SKAP1: variants seen among roughly 807,000 people sequenced by gnomAD.
The protein encoded by SKAP1 is src kinase-associated phosphoprotein 1.
In SKAP1, 44 loss-of-function variants were observed where a neutral mutation model predicts 58.5. The observed-to-expected ratio is 0.75, with a 90% CI of 0.59 to 0.97. The LOEUF is 0.97. Among genes scored for constraint, SKAP1 ranks in the 50% least tolerant of loss-of-function variants. The probability of loss-of-function intolerance (pLI) is 0.00; values close to 1 mark genes in which losing one functional copy is unlikely to be tolerated. For synonymous variants in SKAP1, 127 were observed against 149.7 expected, an observed-to-expected ratio of 0.85 and a Z score of 1.11; for missense variants, 390 against 435.2, an observed-to-expected ratio of 0.90 and a Z score of 0.92.
intron 11 of SKAP1, among the ~76,000 whole-genome samples, chr17:48,157,381 A>G (rs1405272055): frequency 1.3e-5 from 2 of 151,806 alleles, no homozygotes; most frequent in Non-Finnish European, 2.9e-5. Flanking sequence ...GATTACAGGT[A>G]CCTGCCACCA....
chr17:48,187,854 GCATAGTAGTAGAAGA>G lies in SKAP1; in HGVS notation c.416_430del (p.Leu139_Ala144delinsPro). On this transcript the variant is annotated inframe_deletion, in exon 6 of 13. Transcript: ENST00000336915. The stretch of plus-strand genomic sequence containing the variant: ...TGAAGAACACTTACTCTTCTCATTA[GCATAGTAGTAGAAGA>G]GACCTCTGCTGACAACACACCATCG... 1 of 1,608,240 alleles carries G rather than the reference GCATAGTAGTAGAAGA, an allele frequency of 6.2e-7. No individual in the cohort carries two copies. The highest frequency in any genetic ancestry group is 8.5e-7 in the Non-Finnish European group (1 of 1,174,700).
At chr17:48,284,542 A>G (rs2065806455) in intron 4 of SKAP1, among the ~76,000 whole-genome samples, 1 of 152,250 alleles carries the variant, frequency 6.6e-6, no homozygotes, top group Admixed American at 6.5e-5. Flanking sequence ...ATGTTCAGAC[A>G]TACTCTGTCA....
intron 11 of SKAP1, among the ~76,000 whole-genome samples, chr17:48,158,269 G>A (rs1311041918): frequency 1.3e-5 from 2 of 151,728 alleles, no homozygotes; most frequent in Non-Finnish European, 2.9e-5. Context: ...CCTCTGGGCC[G>A]GTTGCGCTGG....
At chr17:48,434,160 C>A (rs977257926), upstream of SKAP1, among the ~76,000 whole-genome samples, 4 of 152,192 alleles carry the variant, frequency 2.6e-5, no homozygotes, top group African/African-American at 9.7e-5. Flanking sequence ...CGGTCCCAAC[C>A]CCATCAACCG....
At chr17:48,319,637 T>A (rs1285041600) in intron 4 of SKAP1, among the ~76,000 whole-genome samples, 1 of 151,922 alleles carries the variant, frequency 6.6e-6, no homozygotes, top group East Asian at 1.9e-4. Context: ...TGGAGCCCAG[T>A]TTGAGACCAG....
At chr17:48,246,007 C>CA (rs1395282989) in intron 4 of SKAP1, among the ~76,000 whole-genome samples, 3 of 151,952 alleles carry the variant, frequency 2.0e-5, no homozygotes, top group Non-Finnish European at 2.9e-5. Flanking sequence ...CAAAAAACAA[C>CA]AAAAAAACCC....
intron 11 of SKAP1, among the ~76,000 whole-genome samples, chr17:48,146,609 G>C (rs1320627412): frequency 2.6e-5 from 4 of 151,582 alleles, no homozygotes; most frequent in African/African-American, 4.8e-5. Flanking sequence ...GACTGCTCTT[G>C]TGTACCTCTT....
At chr17:48,423,942 T>G (rs900058624) in intron 1 of SKAP1, among the ~76,000 whole-genome samples, 1 of 151,744 alleles carries the variant, frequency 6.6e-6, no homozygotes, top group Non-Finnish European at 1.5e-5. Context: ...TTTAAGACAT[T>G]AGGGTAAAAC....
intron 4 of SKAP1, among the ~76,000 whole-genome samples, chr17:48,320,759 A>T (rs1211860090): frequency 6.7e-6 from 1 of 149,364 alleles, no homozygotes; most frequent in African/African-American, 2.5e-5. Context: ...ACCTCCACCA[A>T]TTTTTTTTTT....
At chr17:48,137,363 C>CAGTT (rs773969850) in intron 11 of SKAP1, 26 bp from the exon 12 acceptor site, 1 of 1,509,634 alleles carries the variant, frequency 6.6e-7, no homozygotes, top group African/African-American at 1.4e-5. Context: ...AGGATAGCGT[C>CAGTT]AGTTAGAATT....
At chr17:48,350,117 A>T (rs559801431) in intron 3 of SKAP1, among the ~76,000 whole-genome samples, 18 of 152,320 alleles carry the variant, frequency 1.2e-4, no homozygotes, top group Non-Finnish European at 2.5e-4. Context: ...TTTAGTCCTG[A>T]ATTTGCAGAT....
Position 48,265,490 on chromosome 17 carries a change from C to CA in SKAP1, c.281-75991dup, listed in dbSNP as rs760300491. On this transcript the variant is annotated intron_variant, in intron 4 of 12. Transcript: ENST00000336915. ...ACTGCACTCCAGCCTGGGCCTGTCTCAAAAAAAAAAAAAGCAAGCAAGCAA... is the reference window on the plus strand; with the variant it reads ...ACTGCACTCCAGCCTGGGCCTGTCTCAAAAAAAAAAAAAAGCAAGCAAGCAA... Among the ~76,000 whole-genome samples the CA allele has an allele frequency of 2.6e-3, 324 of 123,738 alleles. 4 individuals carry two copies. The highest frequency in any genetic ancestry group is 0.018 in the East Asian group (78 of 4,414). The allele number at this position is 123,738 out of a possible 152,430, so 81.2% of individuals were successfully genotyped here. A position where few individuals can be genotyped will look rare whatever the true frequency, so the allele number is the denominator to read the frequency against.
At chr17:48,269,271 G>C (rs923688232) in intron 4 of SKAP1, among the ~76,000 whole-genome samples, 2 of 151,998 alleles carry the variant, frequency 1.3e-5, no homozygotes, top group African/African-American at 4.8e-5. Flanking sequence ...TAAGTTAGAA[G>C]TGATAAAAGT....
intron 3 of SKAP1, 37 bp downstream of exon 3, chr17:48,363,752 T>G (rs1567884060): frequency 6.4e-7 from 1 of 1,567,170 alleles, no homozygotes; most frequent in East Asian, 2.2e-5. Flanking sequence ...TTTACACATT[T>G]TTAGCATAAA....
At chr17:48,444,263 A>C in the SKAP1 span, among the ~76,000 whole-genome samples, 4 of 152,114 alleles carry the variant, frequency 2.6e-5, no homozygotes, top group African/African-American at 9.7e-5. Context: ...GCGTGGTGGC[A>C]TGCGTCTGTA....
At chr17:48,158,804 C>T (rs2064027427) in intron 11 of SKAP1, among the ~76,000 whole-genome samples, 1 of 148,986 alleles carries the variant, frequency 6.7e-6, no homozygotes, top group South Asian at 2.1e-4. Context: ...ACTAAAAATA[C>T]AAAAAATTAG....
At chr17:48,352,554 T>C (rs904909014) in intron 3 of SKAP1, among the ~76,000 whole-genome samples, 4 of 152,164 alleles carry the variant, frequency 2.6e-5, no homozygotes, top group Non-Finnish European at 5.9e-5. Flanking sequence ...CCTTAATTCT[T>C]ATTACAAAGC....
At chr17:48,316,067 C>G (rs757979993) in intron 4 of SKAP1, among the ~76,000 whole-genome samples, 3 of 152,212 alleles carry the variant, frequency 2.0e-5, no homozygotes, top group Non-Finnish European at 4.4e-5. Flanking sequence ...CCCTCTTCCA[C>G]TCCTATCCCC....
intron 4 of SKAP1, among the ~76,000 whole-genome samples, chr17:48,300,097 T>C (rs2066038135): frequency 1.3e-5 from 2 of 152,156 alleles, no homozygotes; most frequent in African/African-American, 4.8e-5. Context: ...TTATTTCCCC[T>C]GTGTGCTCAA....
Sources: allele counts gnomAD v4.1 joint callset (sites outside exome capture counted in the v4.1 genomes callset), GRCh38; gene constraint gnomAD v4.1.1; transcripts MANE v1.5; gene names NCBI Gene and HGNC (gene_info 2026-07-23, HGNC 2026-07-21).